The following CSMD1 variants were observed in gnomAD, a reference collection of about 807,000 sequenced individuals.
CSMD1 encodes CUB and sushi domain-containing protein 1.
Under a neutral mutation model 417.5 loss-of-function variants are expected in CSMD1, and 213 were observed. The ratio of observed to expected loss-of-function variants is 0.51; its 90% CI spans 0.46 to 0.57. CSMD1 has a LOEUF of 0.57. CSMD1 is among the 20% of genes least tolerant of loss of function. The pLI is 0.00. For synonymous variants in CSMD1, 2,862 were observed against 1,736.8 expected (o/e 1.65, Z -16.11); for missense variants, 6,923 against 4,529.7 (o/e 1.53, Z -15.17).
intron 3 of CSMD1, among the ~76,000 whole-genome samples, chr8:4,174,712 A>AAAGGAAGAGGGATGT (rs1797943625): frequency 6.7e-5 from 1 of 14,960 alleles, no homozygotes; most frequent in Non-Finnish European, 1.4e-4. Context: ...CACTGAAGAG[A>AAAGGAAGAGGGATGT]GAGGAAGAGG....
At chr8:3,881,819 G>T (rs367801784) in intron 5 of CSMD1, among the ~76,000 whole-genome samples, 60 of 152,174 alleles carry the variant, frequency 3.9e-4, no homozygotes, top group Admixed American at 3.9e-3. Context: ...AAGAACAGAA[G>T]TGAGAAGCAA....
At chr8:3,802,285 T>G (rs1402708963) in intron 5 of CSMD1, among the ~76,000 whole-genome samples, 1 of 152,174 alleles carries the variant, frequency 6.6e-6, no homozygotes, top group Non-Finnish European at 1.5e-5. Flanking sequence ...ATTTCTGCTA[T>G]TTTTCCACTT....
intron 5 of CSMD1, among the ~76,000 whole-genome samples, chr8:3,789,408 GT>G (rs35044031): frequency 0.78 from 99,860 of 127,680 alleles, 37,121 homozygotes; most frequent in East Asian, 0.94. Flanking sequence ...TTTTAAGTAA[GT>G]TTTTTTTTTT....
At chr8:3,525,305 A>C (rs1585304659) in intron 10 of CSMD1, among the ~76,000 whole-genome samples, 2 of 152,156 alleles carry the variant, frequency 1.3e-5, no homozygotes, top group South Asian at 4.1e-4. Context: ...GTTAAAAAGG[A>C]ATTAGCATTT....
intron 47 of CSMD1, among the ~76,000 whole-genome samples, chr8:3,095,008 T>A (rs918057482): frequency 4.9e-4 from 75 of 152,264 alleles, no homozygotes; most frequent in African/African-American, 1.8e-3. Context: ...CTCTAACGTA[T>A]TTTACCTGTT....
intron 8 of CSMD1, among the ~76,000 whole-genome samples, chr8:3,611,275 G>A (rs945682155): frequency 3.9e-4 from 59 of 152,082 alleles, no homozygotes; most frequent in Non-Finnish European, 7.5e-4. Flanking sequence ...AGTCCTTGAG[G>A]GAGCAGGGAA....
intron 3 of CSMD1, among the ~76,000 whole-genome samples, chr8:4,222,375 AG>A (rs1801086881): frequency 3.0e-3 from 1 of 336 alleles, no homozygotes; most frequent in South Asian, 0.17. Flanking sequence ...CAGAATAAGA[AG>A]CTTCCATCTT....
At position 3,515,810 on chromosome 8, in the gene CSMD1, G is replaced by A. The variant is rs1428712944; in HGVS notation, c.1345-22084C>T. Among the ~76,000 whole-genome samples, 3 of 152,306 alleles carry A rather than the reference G, an allele frequency of 2.0e-5. 1 individual carries two copies. The highest frequency in any genetic ancestry group is 4.1e-4 in the South Asian group (2 of 4,820). Reference sequence around the variant, plus strand: ...TAGGAAGTGTCAGTCATGACACTGGGCAATGGAATTGCCTATTATACATAC... The same window carrying A: ...TAGGAAGTGTCAGTCATGACACTGGACAATGGAATTGCCTATTATACATAC... On this transcript the variant is annotated intron_variant, in intron 10 of 69. Coordinates refer to ENST00000635120, the MANE Select transcript of CSMD1 (RefSeq NM_033225.6).
At chr8:4,201,879 G>A (rs1247380131) in intron 3 of CSMD1, among the ~76,000 whole-genome samples, 3 of 34,172 alleles carry the variant, frequency 8.8e-5, no homozygotes. Context: ...CATTATACAT[G>A]GAAATTTTGG....
intron 12 of CSMD1, among the ~76,000 whole-genome samples, chr8:3,445,456 G>C (rs1303585954): frequency 1.3e-5 from 2 of 152,172 alleles, no homozygotes; most frequent in African/African-American, 4.8e-5. Context: ...TACAAAGTGA[G>C]GTCAACTTAA....
At chr8:4,050,625 C>T (rs2740891) in intron 3 of CSMD1, among the ~76,000 whole-genome samples, 131,637 of 152,020 alleles carry the variant, frequency 0.87, 57,108 homozygotes, top group South Asian at 0.93. Flanking sequence ...AGTCATCCTG[C>T]GGTGCTATCA....
intron 1 of CSMD1, among the ~76,000 whole-genome samples, chr8:4,823,480 T>G (rs1373792269): frequency 3.9e-5 from 6 of 152,014 alleles, no homozygotes; most frequent in Admixed American, 3.9e-4. Context: ...AACCGAGGAT[T>G]CCATAGAATA....
intron 21 of CSMD1, 123 bp from the exon 22 acceptor site, chr8:3,348,284 T>G (rs966350013): frequency 2.6e-5 from 18 of 683,822 alleles, no homozygotes; most frequent in Non-Finnish European, 3.8e-5. Context: ...TAGTAATATA[T>G]TATTTCAAAA....
intron 50 of CSMD1, among the ~76,000 whole-genome samples, chr8:3,044,797 T>G (rs1339457414): frequency 6.6e-6 from 1 of 152,238 alleles, no homozygotes; most frequent in Non-Finnish European, 1.5e-5. Context: ...TTATCAAAGC[T>G]GAAGTATTTA....
At chr8:3,242,725 C>T (rs1476466149) in intron 26 of CSMD1, among the ~76,000 whole-genome samples, 2 of 151,546 alleles carry the variant, frequency 1.3e-5, no homozygotes, top group East Asian at 2.0e-4. Flanking sequence ...GGAAGCAAGC[C>T]CAGAGAAAAG....
chr8:4,031,820 T>G (rs1797361291), intron 4 of CSMD1, 85 bp downstream of exon 4: 1 of 1,057,764 alleles, frequency 9.5e-7, no homozygotes, highest in Admixed American at 3.1e-5. Flanking sequence ...ATTATTTTCA[T>G]TTAAGTGGAA....
intron 1 of CSMD1, among the ~76,000 whole-genome samples, chr8:4,829,140 G>C (rs901557528): frequency 5.9e-5 from 9 of 152,164 alleles, no homozygotes; most frequent in African/African-American, 1.7e-4. Context: ...TTTGGTTTAT[G>C]ATTGATCCTG....
chr8:3,586,133 T>C lies in CSMD1; in HGVS notation c.1222+3A>G. The C allele has an allele frequency of 5.0e-6, 8 of 1,610,578 alleles. No individual in the cohort carries two copies. Among genetic ancestry groups the C allele is most frequent in the Non-Finnish European group, 6.8e-6 (8 of 1,178,760 alleles). On this transcript the variant is annotated splice_donor_region_variant and intron_variant, in intron 9 of 69. Transcript: ENST00000635120. Reference sequence around the variant, plus strand: ...CAGGCTTTACCCACCGCAGGTGCCTTACCTCGGCAGATGGGCCTGTGGTCA... The same window carrying C: ...CAGGCTTTACCCACCGCAGGTGCCTCACCTCGGCAGATGGGCCTGTGGTCA...
chr8:3,389,410 A>T (rs754836515), intron 17 of CSMD1, among the ~76,000 whole-genome samples: 16 of 152,284 alleles, frequency 1.1e-4, no homozygotes, highest in Middle Eastern at 3.4e-3. Flanking sequence ...GGATAATGAC[A>T]TCCAGCTCCT....
Sources: gnomAD v4.1 joint callset for allele counts (sites outside exome capture counted in the v4.1 genomes callset) on GRCh38, gnomAD v4.1.1 for gene constraint, MANE v1.5 for transcripts, NCBI Gene and HGNC (gene_info 2026-07-23, HGNC 2026-07-21) for gene names.